Variants in NBAS observed in about 807,000 individuals in gnomAD.
NBAS encodes the protein NAG/BC035112 fusion.
Under a neutral mutation model 302.5 loss-of-function variants are expected in NBAS, and 219 were observed. The observed-to-expected ratio is 0.72, with a 90% CI of 0.65 to 0.81. The LOEUF (loss-of-function observed/expected upper bound fraction) is 0.81, where lower values mean the gene tolerates loss of function less well. Ranked by LOEUF, NBAS falls within the 30% of genes least tolerant of loss-of-function variation. NBAS has a pLI of 0.00. For synonymous variants in NBAS, 1,118 were observed against 1,021.6 expected, an observed-to-expected ratio of 1.09 and a Z score of -1.80; for missense variants, 2,932 against 2,841.6, an observed-to-expected ratio of 1.03 and a Z score of -0.72.
intron 21 of NBAS, among the ~76,000 whole-genome samples, chr2:15,452,894 C>T (rs540153380): frequency 2.0e-5 from 3 of 152,278 alleles, no homozygotes; most frequent in African/African-American, 7.2e-5. Flanking sequence ...ATCCAACAGT[C>T]ATTAACCATC....
chr2:14,900,108 C>A, the NBAS span, among the ~76,000 whole-genome samples: 3 of 120,334 alleles, frequency 2.5e-5, 1 homozygote, highest in Non-Finnish European at 3.7e-5. Flanking sequence ...TTTTAAGTCA[C>A]ATGCTTTTTT....
At chr2:14,783,782 T>C in the NBAS span, among the ~76,000 whole-genome samples, 1 of 152,100 alleles carries the variant, frequency 6.6e-6, no homozygotes, top group Non-Finnish European at 1.5e-5. Context: ...AATAAACATA[T>C]GTGTGCATAT....
At chr2:15,021,364 A>G in the NBAS span, among the ~76,000 whole-genome samples, 1 of 152,206 alleles carries the variant, frequency 6.6e-6, no homozygotes, top group African/African-American at 2.4e-5. Context: ...GAAGAGGCAC[A>G]CTAAAGGGGG....
chr2:14,914,719 G>A, the NBAS span, among the ~76,000 whole-genome samples: 26 of 152,296 alleles, frequency 1.7e-4, no homozygotes, highest in Middle Eastern at 0.01. Context: ...GAGAAATCCA[G>A]ACATCTCTGG....
At chr2:15,527,268 G>A (rs1284309188) in intron 9 of NBAS, among the ~76,000 whole-genome samples, 2 of 152,150 alleles carry the variant, frequency 1.3e-5, no homozygotes, top group Admixed American at 1.3e-4. Context: ...ATTTGCTGTG[G>A]GTTTTACAAA....
chr2:15,301,994 A>G (rs1572619311), intron 40 of NBAS, among the ~76,000 whole-genome samples: 1 of 152,098 alleles, frequency 6.6e-6, no homozygotes, highest in African/African-American at 2.4e-5. Context: ...TAGAATGACT[A>G]CTCTGGCAGT....
the NBAS span, among the ~76,000 whole-genome samples, chr2:15,048,752 G>A: frequency 1.3e-5 from 2 of 152,224 alleles, no homozygotes; most frequent in Non-Finnish European, 2.9e-5. Flanking sequence ...TCCTGGCCCT[G>A]CATCAGTCTC....
Position 15,475,774 on chromosome 2 carries a change from CA to C in NBAS, c.1253del (p.Leu418Ter). The C allele has an allele frequency of 1.9e-6, 3 of 1,614,078 alleles. No individual in the cohort carries two copies. The highest frequency in any genetic ancestry group is 2.5e-6 in the Non-Finnish European group (3 of 1,179,988). ...CACAGGATTTTCCCAGTAAATTCTT[CA>C]AAGTTTTCACAGATGAAACAGTTAA... ...GALTVSSVKT[L>X]KNLLGKSCEW... On this transcript the variant is annotated frameshift_variant, in exon 14 of 52. Transcript: ENST00000281513. LOFTEE classifies it high-confidence loss of function.
At chr2:15,051,200 T>A in the NBAS span, among the ~76,000 whole-genome samples, 1 of 152,248 alleles carries the variant, frequency 6.6e-6, no homozygotes, top group Non-Finnish European at 1.5e-5. Flanking sequence ...TTCCTGAGAC[T>A]GTGGCCTCTT....
the NBAS span, among the ~76,000 whole-genome samples, chr2:14,961,020 C>T: frequency 6.6e-6 from 1 of 152,116 alleles, no homozygotes; most frequent in African/African-American, 2.4e-5. Flanking sequence ...GCCATCAATA[C>T]CCAAAGCAAG....
At chr2:15,505,323 A>C (rs1661793538) in intron 10 of NBAS, among the ~76,000 whole-genome samples, 1 of 152,188 alleles carries the variant, frequency 6.6e-6, no homozygotes, top group Admixed American at 6.5e-5. Context: ...CTCTGAGTGA[A>C]AATACTATAA....
In NBAS at chr2:15,499,772, A is replaced by G. The variant is rs150597400; in HGVS notation, c.954+4373T>C. On this transcript the variant is annotated intron_variant, in intron 11 of 51. Coordinates refer to ENST00000281513, the MANE Select transcript of NBAS (RefSeq NM_015909.4). Reference sequence around the variant, plus strand: ...TACCCCTGAACTTACAATAAAAGTTAAATTTTTTAAAAAAGTAAAAATTTA... The same window carrying G: ...TACCCCTGAACTTACAATAAAAGTTGAATTTTTTAAAAAAGTAAAAATTTA... 3.0e-3 allele frequency among the ~76,000 whole-genome samples: 462 copies of G among 152,296 alleles called. 5 individuals are homozygous for G. The highest frequency in any genetic ancestry group is 0.028 in the Admixed American group (422 of 15,306).
In NBAS at chr2:15,561,282, G is replaced by T. The variant is rs560008282; in HGVS notation, c.23C>A (p.Pro8Gln). 9.9e-6 allele frequency: 16 copies of T among 1,613,460 alleles called. No homozygotes were observed. Among genetic ancestry groups the T allele is most frequent in the Non-Finnish European group, 1.4e-5 (16 of 1,180,036 alleles). Residue 8 changes from proline to glutamine, a missense_variant, in exon 1 of 52, where the codon CCG (proline) becomes CAG (glutamine). Pro to Gln is a moderately conservative substitution (Grantham distance 76). Transcript: ENST00000281513. MAAPESG[P>Q]ALSPGTAEGE... The stretch of plus-strand genomic sequence containing the variant: ...CTCTGCAGTGCCTGGACTCAAAGCC[G>T]GCCCTGACTCGGGGGCCGCCATGTT...
chr2:15,122,554 C>T, the NBAS span, among the ~76,000 whole-genome samples: 1 of 152,122 alleles, frequency 6.6e-6, no homozygotes, highest in Non-Finnish European at 1.5e-5. Flanking sequence ...CTGGGGGTCA[C>T]ATTTCAACAT....
chr2:14,884,342 T>G, the NBAS span, among the ~76,000 whole-genome samples: 1 of 151,766 alleles, frequency 6.6e-6, no homozygotes, highest in Non-Finnish European at 1.5e-5. Context: ...GGGAAGGGAG[T>G]TGGAGAGTCT....
the NBAS span, among the ~76,000 whole-genome samples, chr2:14,890,167 C>G: frequency 2.8e-4 from 42 of 152,266 alleles, no homozygotes; most frequent in African/African-American, 9.6e-4. Flanking sequence ...AATCATTTCC[C>G]TTCCACTGGG....
the NBAS span, among the ~76,000 whole-genome samples, chr2:15,070,081 C>T: frequency 6.6e-6 from 1 of 152,176 alleles, no homozygotes. Flanking sequence ...GAAAGTGGAG[C>T]TCGACTGTCT....
chr2:14,896,005 G>GGA, the NBAS span, among the ~76,000 whole-genome samples: 18 of 150,234 alleles, frequency 1.2e-4, no homozygotes, highest in South Asian at 6.4e-4. Flanking sequence ...CTATAAAGGG[G>GGA]AAAAAAAAAC....
chr2:15,144,046 A>ATATATATATATATTATCCTATATATATAT, the NBAS span, among the ~76,000 whole-genome samples: 2 of 104,576 alleles, frequency 1.9e-5, no homozygotes, highest in African/African-American at 9.5e-5. Flanking sequence ...CCTATATATA[A>ATATATATATATATTATCCTATATATATAT]AAATATATAT....
Sources: gnomAD v4.1 joint callset for allele counts (sites outside exome capture counted in the v4.1 genomes callset) on GRCh38, gnomAD v4.1.1 for gene constraint, MANE v1.5 for transcripts, NCBI Gene and HGNC (gene_info 2026-07-23, HGNC 2026-07-21) for gene names.